ESRRG: variants seen among roughly 807,000 people sequenced by gnomAD.
The protein encoded by ESRRG is estrogen related receptor gamma.
In ESRRG, 13 loss-of-function variants were observed where a neutral mutation model predicts 44.0. The ratio of observed to expected loss-of-function variants is 0.30; its 90% CI spans 0.19 to 0.47. The LOEUF (loss-of-function observed/expected upper bound fraction) is 0.47. Among genes scored for constraint, ESRRG ranks in the 20% least tolerant of loss-of-function variants. The pLI, the probability that ESRRG is intolerant of heterozygous loss-of-function variation, is 1.00. For missense variants in ESRRG, 395 were observed against 580.6 expected, an observed-to-expected ratio of 0.68 and a Z score of 3.29; for synonymous variants, 215 against 214.6, an observed-to-expected ratio of 1.00 and a Z score of -0.02.
chr1:216,963,049 G>A (rs772539646), intron 1 of ESRRG, among the ~76,000 whole-genome samples: 1 of 152,126 alleles, frequency 6.6e-6, no homozygotes, highest in East Asian at 1.9e-4. Context: ...TTTTGTGAAA[G>A]GACAGGAAAA....
intron 2 of ESRRG, among the ~76,000 whole-genome samples, chr1:216,748,078 A>AATT (rs1170087060): frequency 6.6e-6 from 1 of 152,194 alleles, no homozygotes; most frequent in Non-Finnish European, 1.5e-5. Context: ...ATTGGGATGT[A>AATT]ATTATTGATT....
At chr1:216,992,359 C>A (rs1010439368) in intron 1 of ESRRG, among the ~76,000 whole-genome samples, 7 of 152,162 alleles carry the variant, frequency 4.6e-5, no homozygotes, top group Admixed American at 1.3e-4. Context: ...CTCTCAGAGC[C>A]TTGTCAGGAT....
intron 1 of ESRRG, among the ~76,000 whole-genome samples, chr1:216,968,518 G>A (rs1016484520): frequency 6.6e-6 from 1 of 152,022 alleles, no homozygotes; most frequent in Non-Finnish European, 1.5e-5. Context: ...TATTTCCCCA[G>A]CTCCATTGTC....
At chr1:216,777,965 C>A (rs1576437306) in intron 2 of ESRRG, among the ~76,000 whole-genome samples, 1 of 152,116 alleles carries the variant, frequency 6.6e-6, no homozygotes, top group Admixed American at 6.6e-5. Flanking sequence ...CCTTCACCTA[C>A]CTGGTACCTA....
intron 2 of ESRRG, among the ~76,000 whole-genome samples, chr1:216,786,866 A>C (rs1349447543): frequency 6.6e-6 from 1 of 152,150 alleles, no homozygotes; most frequent in Non-Finnish European, 1.5e-5. Context: ...AGGACACCTA[A>C]AAACCATCTG....
intron 5 of ESRRG, among the ~76,000 whole-genome samples, chr1:216,546,263 C>CT (rs2054479780): frequency 6.6e-6 from 1 of 152,032 alleles, no homozygotes; most frequent in Non-Finnish European, 1.5e-5. Context: ...CAACTACTGG[C>CT]TTGTGATGAT....
chr1:216,530,593 G>A (rs946818394), intron 5 of ESRRG, among the ~76,000 whole-genome samples: 1 of 152,148 alleles, frequency 6.6e-6, no homozygotes, highest in South Asian at 2.1e-4. Flanking sequence ...GACAGGCATT[G>A]TGAGAACCTG....
chr1:216,736,137 A>T (rs1028613897), intron 2 of ESRRG, among the ~76,000 whole-genome samples: 1 of 149,040 alleles, frequency 6.7e-6, no homozygotes, highest in African/African-American at 2.5e-5. Context: ...AGACCCTATG[A>T]TCCATCCAAA....
chr1:216,541,408 T>C (rs1338332486), intron 5 of ESRRG, among the ~76,000 whole-genome samples: 1 of 152,022 alleles, frequency 6.6e-6, no homozygotes, highest in Non-Finnish European at 1.5e-5. Context: ...CACAGAAGGA[T>C]TGAGAGCTAA....
At chr1:216,753,595 G>C (rs556415239) in intron 2 of ESRRG, among the ~76,000 whole-genome samples, 1 of 152,154 alleles carries the variant, frequency 6.6e-6, no homozygotes, top group South Asian at 2.1e-4. Flanking sequence ...TAATATCAGA[G>C]GTGCATTTGG....
rs375068637 is a variant in ESRRG, at chr1:216,748,374, C to T, written c.-13-70883G>A. The stretch of plus-strand genomic sequence containing the variant: ...ACATACAAGAAAGTCAAATGTTTTC[C>T]CAACTGCAGAAGCAAACACTTTGCC... On this transcript the variant is annotated intron_variant, in intron 2 of 7. Coordinates refer to the ESRRG transcript ENST00000359162. Among the ~76,000 whole-genome samples the T allele has an allele frequency of 3.3e-5, 5 of 152,192 alleles. No homozygotes were observed. In the East Asian group the frequency reaches 7.7e-4, roughly 24 times the overall value.
intron 1 of ESRRG, among the ~76,000 whole-genome samples, chr1:216,981,587 G>A (rs369105016): frequency 6.6e-6 from 1 of 151,982 alleles, no homozygotes; most frequent in East Asian, 1.9e-4. Flanking sequence ...ATACATATAA[G>A]AGACAACAAA....
At chr1:216,678,859 A>G (rs1284719314) in intron 1 of ESRRG, among the ~76,000 whole-genome samples, 1 of 152,212 alleles carries the variant, frequency 6.6e-6, no homozygotes, top group Non-Finnish European at 1.5e-5. Flanking sequence ...AAGGGATGCA[A>G]TTATCTCTTT....
At chr1:217,115,711 T>G (rs567338045) in intron 1 of ESRRG, among the ~76,000 whole-genome samples, 2 of 152,258 alleles carry the variant, frequency 1.3e-5, no homozygotes, top group East Asian at 3.9e-4. Flanking sequence ...TGATCCAGAT[T>G]TCACCCTCCC....
chr1:216,844,544 T>C (rs1282441885), intron 2 of ESRRG, among the ~76,000 whole-genome samples: 1 of 152,114 alleles, frequency 6.6e-6, no homozygotes, highest in African/African-American at 2.4e-5. Flanking sequence ...ATGCAGCTTC[T>C]TCCTGTCATC....
At position 216,564,423 on chromosome 1, in the gene ESRRG, C is replaced by T. The variant is rs369787365; in HGVS notation, c.701-43G>A. ...AGCACTACAAGATCACTAGTAGTAT[C>T]ATCCCTCTTTTATAAACCCTAGAGC... On this transcript the variant is annotated intron_variant, in intron 4 of 6. Transcript: ENST00000408911. The T allele has an allele frequency of 2.8e-4, 423 of 1,493,380 alleles. 2 individuals are homozygous for T. Among genetic ancestry groups the T allele is most frequent in the Non-Finnish European group, 3.7e-4 (408 of 1,104,724 alleles). The allele number at this position is 1,493,380 out of a possible 1,614,324, so 92.5% of individuals were successfully genotyped here.
chr1:216,797,527 G>T, intron 2 of ESRRG, among the ~76,000 whole-genome samples: 1 of 151,794 alleles, frequency 6.6e-6, no homozygotes, highest in Admixed American at 6.6e-5. Flanking sequence ...ATTCCTATTA[G>T]GAAAACACAG....
chr1:216,787,460 G>A (rs941603108), intron 2 of ESRRG, among the ~76,000 whole-genome samples: 2 of 151,698 alleles, frequency 1.3e-5, no homozygotes, highest in Non-Finnish European at 2.9e-5. Context: ...AAACTTAGCC[G>A]GGCATGGTGG....
intron 5 of ESRRG, among the ~76,000 whole-genome samples, chr1:216,519,806 C>T (rs1307751927): frequency 2.9e-5 from 2 of 68,628 alleles, no homozygotes; most frequent in African/African-American, 1.3e-4. Flanking sequence ...TGGTAAACAA[C>T]ATAAAAGTAA....
Sources: gnomAD v4.1 joint callset for allele counts (sites outside exome capture counted in the v4.1 genomes callset) on GRCh38, gnomAD v4.1.1 for gene constraint, MANE v1.5 for transcripts, NCBI Gene and HGNC (gene_info 2026-07-23, HGNC 2026-07-21) for gene names.